Variants in NELL2 observed in about 807,000 individuals in gnomAD.
NELL2 encodes neural EGFL like 2, also known as protein kinase C-binding protein NELL2.
A neutral mutation model predicts 109.6 loss-of-function variants in NELL2; 41 were observed. That is an observed-to-expected ratio of 0.37 (90% CI 0.29 to 0.49). The LOEUF (loss-of-function observed/expected upper bound fraction) is 0.49. Among genes scored for constraint, NELL2 ranks in the 20% least tolerant of loss-of-function variants. NELL2 has a pLI of 0.98. For missense variants in NELL2, 900 were observed against 1,008.3 expected (o/e 0.89, Z 1.45); for synonymous variants, 355 against 344.7 (o/e 1.03, Z -0.33).
At chr12:44,743,419 T>A (rs1940124916) in intron 9 of NELL2, among the ~76,000 whole-genome samples, 1 of 152,118 alleles carries the variant, frequency 6.6e-6, no homozygotes, top group South Asian at 2.1e-4. Context: ...CCAGCTAACA[T>A]CATAATGACA....
intron 12 of NELL2, among the ~76,000 whole-genome samples, chr12:44,683,670 G>A (rs1460259753): frequency 5.3e-5 from 8 of 152,080 alleles, no homozygotes; most frequent in Admixed American, 5.2e-4. Flanking sequence ...TGCATCTATT[G>A]AGATAATCAT....
At chr12:44,702,449 T>C (rs1386549498) in intron 12 of NELL2, among the ~76,000 whole-genome samples, 3 of 152,148 alleles carry the variant, frequency 2.0e-5, no homozygotes, top group Admixed American at 6.6e-5. Context: ...AAAAAAGCAA[T>C]AATCATATAA....
rs1001457864 is a variant in NELL2, at chr12:44,562,345, A to C, written c.1664-29624T>G. On this transcript the variant is annotated intron_variant, in intron 15 of 19. Transcript: ENST00000429094. ...TCTAATTAAACTAAAGAGCTTCTGCACAGCAAAAGAAACTATCATCAGAGT... is the reference window on the plus strand; with the variant it reads ...TCTAATTAAACTAAAGAGCTTCTGCCCAGCAAAAGAAACTATCATCAGAGT... Among the ~76,000 whole-genome samples the C allele has an allele frequency of 1.8e-4, 27 of 152,362 alleles. 1 individual carries two copies. The highest frequency in any genetic ancestry group is 6.5e-4 in the African/African-American group (27 of 41,598).
At chr12:44,691,375 C>T (rs1352503102) in intron 12 of NELL2, among the ~76,000 whole-genome samples, 1 of 152,086 alleles carries the variant, frequency 6.6e-6, no homozygotes, top group Non-Finnish European at 1.5e-5. Flanking sequence ...AGAACACTGC[C>T]CATACAAGAT....
intron 15 of NELL2, among the ~76,000 whole-genome samples, chr12:44,551,238 A>G (rs1364671631): frequency 6.6e-6 from 1 of 152,186 alleles, no homozygotes; most frequent in Non-Finnish European, 1.5e-5. Context: ...TCCTAAGTAA[A>G]CTATTTAAAA....
At chr12:44,819,032 G>A (rs1024542619) in intron 2 of NELL2, among the ~76,000 whole-genome samples, 3 of 152,110 alleles carry the variant, frequency 2.0e-5, no homozygotes, top group Admixed American at 1.3e-4. Flanking sequence ...GTGAGCCACC[G>A]CGCCCGGCCA....
At chr12:44,617,691 C>CA (rs975070930) in intron 13 of NELL2, among the ~76,000 whole-genome samples, 631 of 22,110 alleles carry the variant, frequency 0.029, 82 homozygotes, top group African/African-American at 0.072. Context: ...GACTCCGTCT[C>CA]AAAAAAAAAA....
intron 9 of NELL2, among the ~76,000 whole-genome samples, chr12:44,751,861 G>A (rs1176348252): frequency 6.6e-6 from 1 of 151,952 alleles, no homozygotes; most frequent in Non-Finnish European, 1.5e-5. Flanking sequence ...AGCCAGGGGT[G>A]TCCAATATTC....
At chr12:44,812,720 G>A (rs553720634) in intron 3 of NELL2, among the ~76,000 whole-genome samples, 1 of 152,274 alleles carries the variant, frequency 6.6e-6, no homozygotes, top group Admixed American at 6.5e-5. Context: ...CTGTTGAGAT[G>A]ATAGAAGGCA....
intron 1 of NELL2, among the ~76,000 whole-genome samples, chr12:44,900,789 G>A (rs551425684): frequency 6.6e-6 from 1 of 152,262 alleles, no homozygotes; most frequent in South Asian, 2.1e-4. Flanking sequence ...AAGAGATCGA[G>A]ACCTTCCTGG....
intron 1 of NELL2, among the ~76,000 whole-genome samples, chr12:44,910,921 C>T (rs1049218452): frequency 6.6e-6 from 1 of 151,858 alleles, no homozygotes; most frequent in Non-Finnish European, 1.5e-5. Context: ...ATACCACATG[C>T]TCTCTCTTAT....
At position 44,631,222 on chromosome 12, in the gene NELL2, G is replaced by GTA. The variant is rs374057240; in HGVS notation, c.1445-20254_1445-20253dup. Among the ~76,000 whole-genome samples the GTA allele has an allele frequency of 1.4e-3, 210 of 147,454 alleles. 3 individuals carry two copies. In the East Asian group the frequency reaches 0.027, roughly 19 times the overall value. On this transcript the variant is annotated intron_variant, in intron 13 of 19. Transcript: ENST00000429094. Reference sequence around the variant, plus strand: ...AGGTGAGGTGTGGAAATAATGAAATGTATATATATATAAATAATATATATA... The same window carrying GTA: ...AGGTGAGGTGTGGAAATAATGAAATGTATATATATATATAAATAATATATATA...
chr12:44,763,382 C>G (rs1033489345), intron 9 of NELL2, among the ~76,000 whole-genome samples: 1 of 152,080 alleles, frequency 6.6e-6, no homozygotes, highest in African/African-American at 2.4e-5. Flanking sequence ...ATGATGCTTA[C>G]CCACAAAATA....
intron 2 of NELL2, among the ~76,000 whole-genome samples, chr12:44,835,617 A>C (rs1302042413): frequency 3.3e-5 from 5 of 152,202 alleles, no homozygotes; most frequent in African/African-American, 1.2e-4. Flanking sequence ...TATTTTTAGG[A>C]TCTTGTCCTA....
At chr12:44,798,828 C>T (rs576152096) in intron 3 of NELL2, among the ~76,000 whole-genome samples, 7 of 151,176 alleles carry the variant, frequency 4.6e-5, no homozygotes, top group Middle Eastern at 3.4e-3. Context: ...CAAATAGGGT[C>T]GCCTGATTAT....
intron 1 of NELL2, among the ~76,000 whole-genome samples, chr12:44,887,244 T>G (rs931429276): frequency 6.6e-6 from 1 of 152,046 alleles, no homozygotes; most frequent in African/African-American, 2.4e-5. Context: ...CTCGAACTCC[T>G]GGGCTTAAGC....
At chr12:44,757,575 T>C (rs1940943528) in intron 9 of NELL2, among the ~76,000 whole-genome samples, 1 of 152,150 alleles carries the variant, frequency 6.6e-6, no homozygotes, top group African/African-American at 2.4e-5. Flanking sequence ...GAAAAGATTT[T>C]CTTTTTAATG....
intron 3 of NELL2, among the ~76,000 whole-genome samples, chr12:44,801,857 A>T (rs981351514): frequency 6.6e-6 from 1 of 152,096 alleles, no homozygotes; most frequent in African/African-American, 2.4e-5. Flanking sequence ...GCAAATATTT[A>T]TTAGCCATCT....
In NELL2 at chr12:44,827,250, AGGGTAAAT is replaced by A. The variant is rs1428252843; in HGVS notation, c.185-11122_185-11115del. Among the ~76,000 whole-genome samples the A allele has an allele frequency of 2.6e-5, 4 of 152,298 alleles. No individual in the cohort carries two copies. The East Asian group carries it at 5.8e-4, about 22-fold the overall frequency. On this transcript the variant is annotated intron_variant, in intron 2 of 19. Transcript: ENST00000429094. ...GCGATGATATTGAGGTAATCACATC[AGGGTAAAT>A]GGGGTATCCATCACCTCAAGCACTT...
Sources: allele counts gnomAD v4.1 joint callset (sites outside exome capture counted in the v4.1 genomes callset), GRCh38; gene constraint gnomAD v4.1.1; transcripts MANE v1.5; gene names NCBI Gene and HGNC (gene_info 2026-07-23, HGNC 2026-07-21).